Variants in MACROD2 observed in about 807,000 individuals in gnomAD.
The protein encoded by MACROD2 is ADP-ribose glycohydrolase MACROD2.
MACROD2 carries 36 observed loss-of-function variants against 70.4 expected under a neutral mutation model. The observed-to-expected ratio is 0.51, with a 90% CI of 0.39 to 0.68. The LOEUF (loss-of-function observed/expected upper bound fraction) is 0.68, where lower values mean the gene tolerates loss of function less well. Among genes scored for constraint, MACROD2 ranks in the 30% least tolerant of loss-of-function variants. The pLI, the probability that MACROD2 is intolerant of heterozygous loss-of-function variation, is 0.00. For synonymous variants in MACROD2, 172 were observed against 178.8 expected, an observed-to-expected ratio of 0.96 and a Z score of 0.30; for missense variants, 496 against 538.4, an observed-to-expected ratio of 0.92 and a Z score of 0.78.
intron 3 of MACROD2, among the ~76,000 whole-genome samples, chr20:14,307,533 C>T (rs1366690931): frequency 2.6e-5 from 4 of 151,970 alleles, no homozygotes; most frequent in African/African-American, 9.7e-5. Flanking sequence ...AATTGTAGAT[C>T]TCCTTTTAGA....
intron 4 of MACROD2, among the ~76,000 whole-genome samples, chr20:14,636,790 C>T (rs539390237): frequency 6.8e-6 from 1 of 146,828 alleles, no homozygotes; most frequent in African/African-American, 2.7e-5. Flanking sequence ...GGGACTGTGC[C>T]TTGTATCCAA....
chr20:15,062,618 CTTAA>C lies in MACROD2; in HGVS notation c.419-167315_419-167312del, dbSNP rs571888427. On this transcript the variant is annotated intron_variant, in intron 5 of 17. Coordinates refer to ENST00000684519, the MANE Select transcript of MACROD2 (RefSeq NM_001351661.2). ...GTGTTAATAAAAACTTAATGCTCAA[CTTAA>C]TTAATTGTTTTTTCTTTTAACTAAT... Among the ~76,000 whole-genome samples the C allele has an allele frequency of 3.3e-3, 499 of 152,256 alleles. 2 individuals are homozygous for C. Among genetic ancestry groups the C allele is most frequent in the Non-Finnish European group, 4.9e-3 (332 of 68,020 alleles).
chr20:14,553,430 G>A (rs913841794), intron 4 of MACROD2, among the ~76,000 whole-genome samples: 3 of 115,408 alleles, frequency 2.6e-5, no homozygotes, highest in Non-Finnish European at 5.3e-5. Flanking sequence ...TTTTTTTTTA[G>A]TAAGTAGAAG....
intron 5 of MACROD2, among the ~76,000 whole-genome samples, chr20:14,865,548 A>G (rs2073419728): frequency 2.0e-5 from 3 of 152,106 alleles, no homozygotes; most frequent in Non-Finnish European, 4.4e-5. Flanking sequence ...TAGTGGAATA[A>G]CAAACAACCA....
rs552451114 is a variant in MACROD2 at position 14,017,735 on chromosome 20, T to C, written c.163+15331T>C. Among the ~76,000 whole-genome samples, 16 of 152,294 alleles carry C rather than the reference T, an allele frequency of 1.1e-4. 1 individual carries two copies. The South Asian group carries it at 3.1e-3, about 30-fold the overall frequency. On this transcript the variant is annotated intron_variant, in intron 2 of 17. Transcript: ENST00000684519. ...GTATTGAGGATTTTTTTCATTGTGA[T>C]TCATAAAGGATATTGGTCTGGTTTT...
chr20:15,208,810 G>C (rs1057419697), intron 5 of MACROD2, among the ~76,000 whole-genome samples: 3 of 152,170 alleles, frequency 2.0e-5, no homozygotes, highest in Non-Finnish European at 2.9e-5. Flanking sequence ...CTGCTGGGTG[G>C]TAGTAAAAGT....
intron 5 of MACROD2, among the ~76,000 whole-genome samples, chr20:14,887,281 G>A (rs898645894): frequency 6.6e-6 from 1 of 151,924 alleles, no homozygotes; most frequent in East Asian, 1.9e-4. Flanking sequence ...AATCAAGAGC[G>A]GTATAGTGAG....
intron 5 of MACROD2, among the ~76,000 whole-genome samples, chr20:14,845,638 C>T (rs2073131981): frequency 6.6e-6 from 1 of 151,972 alleles, no homozygotes; most frequent in Admixed American, 6.6e-5. Context: ...TACAGAATTC[C>T]TGGATATGTT....
chr20:14,054,878 GC>G (rs1440296550), intron 2 of MACROD2, among the ~76,000 whole-genome samples: 1 of 152,102 alleles, frequency 6.6e-6, no homozygotes, highest in African/African-American at 2.4e-5. Context: ...ATCTGTCTTT[GC>G]CTTTCATTTA....
intron 3 of MACROD2, among the ~76,000 whole-genome samples, chr20:14,296,578 A>G (rs2082429329): frequency 6.6e-6 from 1 of 152,012 alleles, no homozygotes; most frequent in Non-Finnish European, 1.5e-5. Context: ...CCATTTGAGT[A>G]AAGTTCAAAT....
chr20:14,864,350 G>C (rs1193606122), intron 5 of MACROD2, among the ~76,000 whole-genome samples: 1 of 152,028 alleles, frequency 6.6e-6, no homozygotes, highest in Non-Finnish European at 1.5e-5. Context: ...CCTTTGGAGA[G>C]GGCTATTTCT....
chr20:14,100,517 G>C (rs2054284353), intron 3 of MACROD2, among the ~76,000 whole-genome samples: 1 of 148,266 alleles, frequency 6.7e-6, no homozygotes, highest in South Asian at 2.1e-4. Flanking sequence ...GTATAAAGAA[G>C]TAAAATGTGT....
chr20:14,688,238 A>T (rs1421543302), intron 5 of MACROD2, among the ~76,000 whole-genome samples: 1 of 152,196 alleles, frequency 6.6e-6, no homozygotes, highest in Non-Finnish European at 1.5e-5. Context: ...ATCCAGCCAC[A>T]AGTGATAATA....
intron 6 of MACROD2, among the ~76,000 whole-genome samples, chr20:15,264,088 C>T (rs1054728136): frequency 1.3e-5 from 2 of 152,110 alleles, no homozygotes; most frequent in East Asian, 1.9e-4. Flanking sequence ...TCTTTGTGCT[C>T]ATCCTTTGCA....
intron 6 of MACROD2, among the ~76,000 whole-genome samples, chr20:15,337,076 A>G (rs1444173514): frequency 1.3e-5 from 2 of 151,776 alleles, no homozygotes; most frequent in Non-Finnish European, 2.9e-5. Flanking sequence ...TCTCTTAACC[A>G]GTCCTATCAA....
intron 15 of MACROD2, among the ~76,000 whole-genome samples, chr20:16,002,964 C>T (rs2066730755): frequency 6.6e-6 from 1 of 152,140 alleles, no homozygotes; most frequent in Admixed American, 6.5e-5. Context: ...TGAGTCTCCT[C>T]AGTTGCACTT....
chr20:15,240,854 G>T (rs1188058960), intron 6 of MACROD2, among the ~76,000 whole-genome samples: 1 of 152,174 alleles, frequency 6.6e-6, no homozygotes, highest in Non-Finnish European at 1.5e-5. Flanking sequence ...CAAGGATACA[G>T]CTAGAAGGCA....
chr20:14,726,913 T>C (rs553711509), intron 5 of MACROD2, among the ~76,000 whole-genome samples: 1 of 152,314 alleles, frequency 6.6e-6, no homozygotes, highest in Admixed American at 6.5e-5. Flanking sequence ...AAATCCACTT[T>C]AAAAATCATT....
chr20:15,917,786 G>A (rs368828653), intron 10 of MACROD2, among the ~76,000 whole-genome samples: 2 of 151,384 alleles, frequency 1.3e-5, no homozygotes, highest in South Asian at 4.2e-4. Flanking sequence ...CTTAGCCCAT[G>A]AGTTGACAAA....
Sources: allele counts gnomAD v4.1 joint callset (sites outside exome capture counted in the v4.1 genomes callset), GRCh38; gene constraint gnomAD v4.1.1; transcripts MANE v1.5; gene names NCBI Gene and HGNC (gene_info 2026-07-23, HGNC 2026-07-21).